The following SECISBP2L variants were observed in gnomAD, a reference collection of about 807,000 sequenced individuals.
The protein encoded by SECISBP2L is selenocysteine insertion sequence-binding protein 2-like.
A neutral mutation model predicts 114.7 loss-of-function variants in SECISBP2L; 43 were observed. The observed-to-expected ratio is 0.38, with a 90% CI of 0.29 to 0.48. The LOEUF (loss-of-function observed/expected upper bound fraction) is 0.48, where lower values mean the gene tolerates loss of function less well. Among genes scored for constraint, SECISBP2L ranks in the 20% least tolerant of loss-of-function variants. SECISBP2L has a pLI of 0.98. For missense variants in SECISBP2L, 1,136 were observed against 1,301.1 expected, an observed-to-expected ratio of 0.87 and a Z score of 1.95; for synonymous variants, 451 against 439.7, an observed-to-expected ratio of 1.03 and a Z score of -0.32.
chr15:49,015,049 T>C lies in SECISBP2L; in HGVS notation c.1561+1511A>G, dbSNP rs372291730. Among the ~76,000 whole-genome samples, 3 of 152,162 alleles carry C rather than the reference T, an allele frequency of 2.0e-5. No individual in the cohort carries two copies. In the South Asian group the frequency reaches 6.2e-4, roughly 31 times the overall value. On this transcript the variant is annotated intron_variant, in intron 11 of 17. Transcript: ENST00000559471. ...TTGAGTGATTATAACCCAGATACTC[T>C]ATAAGCACTTTACATATATCATCTC...
At chr15:49,031,076 G>GTTTTTT (rs1555387094) in intron 4 of SECISBP2L, among the ~76,000 whole-genome samples, 1 of 109,428 alleles carries the variant, frequency 9.1e-6, no homozygotes, top group African/African-American at 3.6e-5. Flanking sequence ...TTGAGACAGA[G>GTTTTTT]TCTTTCTCAG....
At chr15:48,995,933 G>A (rs1046861335) in intron 17 of SECISBP2L, 1 of 157,912 alleles carries the variant, frequency 6.3e-6, no homozygotes, top group Admixed American at 6.1e-5. Flanking sequence ...GTCAAGTGCA[G>A]TAGTGAAAAG....
At chr15:49,010,354 CA>C (rs1433929086) in intron 13 of SECISBP2L, among the ~76,000 whole-genome samples, 1 of 152,100 alleles carries the variant, frequency 6.6e-6, no homozygotes, top group East Asian at 1.9e-4. Flanking sequence ...CTTCTGTGTT[CA>C]AGAAGCCACA....
chr15:48,998,845 G>C (rs1318059578), intron 16 of SECISBP2L, among the ~76,000 whole-genome samples: 2 of 152,138 alleles, frequency 1.3e-5, no homozygotes, highest in Admixed American at 1.3e-4. Flanking sequence ...CTCACATACA[G>C]TCTAGCATAG....
chr15:49,018,672 C>T (rs11635777), intron 8 of SECISBP2L, among the ~76,000 whole-genome samples: 35,059 of 152,148 alleles, frequency 0.23, 4,516 homozygotes, highest in East Asian at 0.42. Flanking sequence ...ATGAGTTACT[C>T]AAATGAGTTA....
intron 15 of SECISBP2L, 114 bp downstream of exon 15, chr15:49,000,763 C>T (rs1047056006): frequency 2.5e-6 from 2 of 786,380 alleles, no homozygotes; most frequent in Non-Finnish European, 2.0e-6. Context: ...TCTCATGCTC[C>T]AATATTGTTT....
chr15:49,009,191 C>A (rs771825234), intron 14 of SECISBP2L, 25 bp downstream of exon 14: 6 of 1,609,330 alleles, frequency 3.7e-6, no homozygotes, highest in South Asian at 1.1e-5. Flanking sequence ...AACTATTCAA[C>A]CTCAATAATG....
chr15:49,019,447 C>A lies in SECISBP2L; in HGVS notation c.1141G>T (p.Asp381Tyr). 2 of 1,451,486 alleles carry A rather than the reference C, an allele frequency of 1.4e-6. No individual in the cohort carries two copies. The highest frequency in any genetic ancestry group is 1.8e-6 in the Non-Finnish European group (2 of 1,113,280). 89.9% of individuals were successfully genotyped at this position (1,451,486 alleles called of 1,614,324 possible). A position where few individuals can be genotyped will look rare whatever the true frequency, so the allele number is the denominator to read the frequency against. Residue 381 changes from aspartate to tyrosine, a missense_variant, in exon 8 of 18, where the codon GAT becomes TAT. By Grantham distance (160) the Asp-to-Tyr change is radical (BLOSUM62 -3). Coordinates refer to ENST00000559471, the MANE Select transcript of SECISBP2L (RefSeq NM_001193489.2). ...AAATATAAAGACTCAGAATTTGGAT[C>A]GCTTCTATGGGATTGACTAGAGCTT... ...HLSSSQSHRSDPNSESLYFED... is the reference protein window; with the variant it reads ...HLSSSQSHRSYPNSESLYFED...
chr15:49,046,252 C>A (rs1903247663), intron 1 of SECISBP2L, 24 bp downstream of exon 1: 3 of 1,565,832 alleles, frequency 1.9e-6, no homozygotes, highest in Admixed American at 1.9e-5. Flanking sequence ...CCCGGCTCGG[C>A]GGGCCCAGCC....
chr15:48,989,711 G>C lies in SECISBP2L; in HGVS notation c.*2533C>G, dbSNP rs1901932103. The C allele has an allele frequency of 6.6e-6, 1 of 152,174 alleles. No individual in the cohort carries two copies. The highest frequency in any genetic ancestry group is 1.5e-5 in the Non-Finnish European group (1 of 67,968). The allele number at this position is 152,174 out of a possible 1,614,324, so 9.4% of individuals were successfully genotyped here. On this transcript the variant is annotated 3_prime_UTR_variant, in exon 18 of 18. Transcript: ENST00000559471. Reference sequence around the variant, plus strand: ...GTAAAACCACCTCTACACATTAAGAGAAAAAATCACTATGTTTTTTATTTC... The same window carrying C: ...GTAAAACCACCTCTACACATTAAGACAAAAAATCACTATGTTTTTTATTTC...
chr15:49,043,625 AG>A (rs1298409013), intron 1 of SECISBP2L, among the ~76,000 whole-genome samples: 1 of 92,294 alleles, frequency 1.1e-5, no homozygotes, highest in Non-Finnish European at 2.7e-5. Context: ...TTTTTTTTTC[AG>A]GGGAAAAAAT....
In SECISBP2L at chr15:49,016,549, AATG is replaced by A; in HGVS notation, c.1561+8_1561+10del. ...AGACAAACAGCAAATTGCTCAGACT[AATG>A]ATATCACCTGTATATGACAGAGGTC... On this transcript the variant is annotated splice_region_variant and intron_variant, in intron 11 of 17. Transcript: ENST00000559471. The A allele has an allele frequency of 1.3e-6, 2 of 1,582,764 alleles. No homozygotes were observed. The highest frequency in any genetic ancestry group is 1.7e-6 in the Non-Finnish European group (2 of 1,168,940).
chr15:49,000,344 A>G (rs1179927416), intron 15 of SECISBP2L, among the ~76,000 whole-genome samples: 1 of 152,200 alleles, frequency 6.6e-6, no homozygotes, highest in Non-Finnish European at 1.5e-5. Flanking sequence ...GATCTCTCAC[A>G]ATGCAATGAG....
chr15:49,001,025 G>C lies in SECISBP2L; in HGVS notation c.2100C>G (p.Phe700Leu). ...GATCTTTTTGGTAGATGCGTTCCTG[G>C]AAACTGACAAGCTCTTGGAGAAGAA... ...VTLLLQELVS[F>L]QERIYQKDPV... The change falls in exon 15 of 18, where the codon TTC (phenylalanine) becomes TTG (leucine). Residue 700 changes from phenylalanine (F) to leucine (L), a missense_variant. Coordinates refer to ENST00000559471, the MANE Select transcript of SECISBP2L (RefSeq NM_001193489.2). 6.2e-7 allele frequency: 1 copy of C among 1,613,592 alleles called. No individual in the cohort carries two copies. Among genetic ancestry groups the C allele is most frequent in the Admixed American group, 1.7e-5 (1 of 59,940 alleles).
Position 49,016,705 on chromosome 15 carries a change from C to T in SECISBP2L, c.1420-4G>A, listed in dbSNP as rs1007395748. On this transcript the variant is annotated splice_region_variant and splice_polypyrimidine_tract_variant and intron_variant, in intron 10 of 17. Coordinates refer to ENST00000559471, the MANE Select transcript of SECISBP2L (RefSeq NM_001193489.2). ...CAGCTGCTTTTGATAAAGCTTCCTA[C>T]AAAATAAATATAAAAAATTAATTTT... The T allele has an allele frequency of 1.3e-6, 2 of 1,552,696 alleles. No homozygotes were observed. Among genetic ancestry groups the T allele is most frequent in the Non-Finnish European group, 1.7e-6 (2 of 1,156,660 alleles).
At chr15:49,020,516 A>G (rs550986164) in intron 7 of SECISBP2L, among the ~76,000 whole-genome samples, 1 of 151,966 alleles carries the variant, frequency 6.6e-6, no homozygotes, top group African/African-American at 2.4e-5. Context: ...GGCTTTTTAC[A>G]TTACTTTTTC....
At chr15:49,041,734 CACAGAAAAAATATG>C (rs139436886) in intron 1 of SECISBP2L, among the ~76,000 whole-genome samples, 1 of 152,226 alleles carries the variant, frequency 6.6e-6, no homozygotes, top group Non-Finnish European at 1.5e-5. Context: ...ACCACACACC[CACAGAAAAAATATG>C]ACCATGGAAA....
At chr15:49,006,387 T>C (rs1488301869) in intron 14 of SECISBP2L, among the ~76,000 whole-genome samples, 1 of 152,226 alleles carries the variant, frequency 6.6e-6, no homozygotes, top group African/African-American at 2.4e-5. Flanking sequence ...GGTACACCAA[T>C]CTAACGTAGG....
Position 49,035,408 on chromosome 15 carries a change from T to A in SECISBP2L, c.454A>T (p.Ser152Cys), listed in dbSNP as rs1377674489. ...AATGGGAAGACCTGTCCAAGCTGAC[T>A]TGGACGCTCAGTGCATTCTGTGGTG... The part of the protein sequence containing the change: ...AITTECTERP[S>C]QLGQVFPLSS... Residue 152 changes from serine (S) to cysteine (C), a missense_variant, in exon 3 of 18, where the codon AGT becomes TGT. Ser to Cys is a moderately radical substitution (Grantham distance 112). This residue lies in a region of SECISBP2L where 452 missense variants were observed against 452.3 expected (regional missense o/e 1.00). Coordinates refer to ENST00000559471, the MANE Select transcript of SECISBP2L (RefSeq NM_001193489.2). The A allele has an allele frequency of 1.2e-6, 2 of 1,614,084 alleles. No individual in the cohort carries two copies. The highest frequency in any genetic ancestry group is 1.7e-6 in the Non-Finnish European group (2 of 1,180,042).
Sources: gnomAD v4.1 joint callset for allele counts (sites outside exome capture counted in the v4.1 genomes callset) on GRCh38, gnomAD v4.1.1 for gene constraint, gnomAD v4.1.1 regional missense constraint, MANE v1.5 for transcripts, NCBI Gene and HGNC (gene_info 2026-07-23, HGNC 2026-07-21) for gene names.